The following DXO variants were observed in gnomAD, a reference collection of about 807,000 sequenced individuals.
The protein encoded by DXO is decapping exoribonuclease.
Under a neutral mutation model 39.8 loss-of-function variants are expected in DXO, and 42 were observed. The ratio of observed to expected loss-of-function variants is 1.06; its 90% CI spans 0.83 to 1.37. DXO has a LOEUF of 1.37. DXO is among the 40% of genes most tolerant of loss of function. The pLI is 0.00. For synonymous variants in DXO, 193 were observed against 200.4 expected (o/e 0.96, Z 0.31); for missense variants, 495 against 513.0 (o/e 0.96, Z 0.34).
chr6:31,971,248 C>T lies in DXO; in HGVS notation c.356+72G>A, dbSNP rs1048331374. 16 of 1,542,168 alleles carry T rather than the reference C, an allele frequency of 1.0e-5. No individual in the cohort carries two copies. The highest frequency in any genetic ancestry group is 1.2e-5 in the South Asian group (1 of 80,808). On this transcript the variant is annotated intron_variant, in intron 2 of 6. Transcript: ENST00000337523. The surrounding 1 kb of genome is among the most constrained non-coding windows in gnomAD (Gnocchi z 4.5). Reference sequence around the variant, plus strand: ...TTCTTCTAAGGACTGATTCTCACCCCGGCTTTGGCTCTCCTAATTTTAGAG... The same window carrying T: ...TTCTTCTAAGGACTGATTCTCACCCTGGCTTTGGCTCTCCTAATTTTAGAG...
In DXO at chr6:31,971,696, G is replaced by C. The variant is rs778650301; in HGVS notation, c.-6-15C>G. ...TCCATGAGGTCCTAAGACAAGCAGG[G>C]GTACAGAGTTTCCATTCTACAGAGG... On this transcript the variant is annotated splice_polypyrimidine_tract_variant and intron_variant, in intron 1 of 6. Coordinates refer to ENST00000337523, the MANE Select transcript of DXO (RefSeq NM_005510.4). This position sits in a 1 kb window ranked among gnomAD's most constrained non-coding sequence, Gnocchi z 4.5. 2.5e-6 allele frequency: 4 copies of C among 1,586,496 alleles called. No individual in the cohort carries two copies. Among genetic ancestry groups the C allele is most frequent in the African/African-American group, 1.3e-5 (1 of 74,364 alleles).
At position 31,971,225 on chromosome 6, in the gene DXO, C is replaced by A; in HGVS notation, c.357-78G>T. The A allele has an allele frequency of 1.3e-6, 2 of 1,561,916 alleles. No individual in the cohort carries two copies. Among genetic ancestry groups the A allele is most frequent in the Non-Finnish European group, 1.7e-6 (2 of 1,152,340 alleles). On this transcript the variant is annotated intron_variant, in intron 2 of 6. Coordinates refer to ENST00000337523, the MANE Select transcript of DXO (RefSeq NM_005510.4). The surrounding 1 kb of genome is among the most constrained non-coding windows in gnomAD (Gnocchi z 4.5). The stretch of plus-strand genomic sequence containing the variant: ...CTCCCCTCGAAGAATAGTCTTGTTT[C>A]TTCTAAGGACTGATTCTCACCCCGG...
Position 31,971,476 on chromosome 6 carries a change from A to G in DXO, c.200T>C (p.Leu67Pro), listed in dbSNP as rs778458569. Residue 67 changes from leucine to proline, a missense_variant, in exon 2 of 7, where the codon CTG becomes CCG. Leu to Pro is a moderately conservative substitution (Grantham distance 98). Transcript: ENST00000337523. This position sits in a 1 kb window ranked among gnomAD's most constrained non-coding sequence, Gnocchi z 4.5. ...QRQYHGDARA[L>P]RYYSPPPTNG... is the part of the protein sequence containing the mutation. ...AGTGGGGGGTGGGCTATAGTAGCGC[A>G]GGGCTCGGGCATCTCCATGGTACTG... 11 of 1,613,964 alleles carry G rather than the reference A, an allele frequency of 6.8e-6. No individual in the cohort carries two copies. In the African/African-American group the frequency reaches 1.5e-4, roughly 22 times the overall value.
rs202178198 is a variant in DXO, at chr6:31,971,296, T to C, written c.356+24A>G. On this transcript the variant is annotated intron_variant, in intron 2 of 6. Coordinates refer to ENST00000337523, the MANE Select transcript of DXO (RefSeq NM_005510.4). The surrounding 1 kb of genome is among the most constrained non-coding windows in gnomAD (Gnocchi z 4.5). ...GAGGGTAGGTACGGGTCTCCAGATA[T>C]ACTGCCTACCACGCTTTGCTCACCC... 6.5e-6 allele frequency: 10 copies of C among 1,537,382 alleles called. No homozygotes were observed. The highest frequency in any genetic ancestry group is 6.1e-6 in the Non-Finnish European group (7 of 1,141,416).
rs755964041 is a variant in DXO, at chr6:31,971,457, G to A, written c.219C>T (p.Pro73=). 6 of 1,613,824 alleles carry A rather than the reference G, an allele frequency of 3.7e-6. No homozygotes were observed. The highest frequency in any genetic ancestry group is 5.1e-6 in the Non-Finnish European group (6 of 1,179,864). ...DARALRYYSP[P]PTNGPGPNFD... ...AGTTGGGGCCTGGACCGTTAGTGGG[G>A]GGTGGGCTATAGTAGCGCAGGGCTC... Residue 73 remains proline, a synonymous_variant, in exon 2 of 7, where the codon CCC becomes CCT. Coordinates refer to ENST00000337523, the MANE Select transcript of DXO (RefSeq NM_005510.4). This position sits in a 1 kb window ranked among gnomAD's most constrained non-coding sequence, Gnocchi z 4.5.
In DXO at chr6:31,971,295, A is replaced by G. The variant is rs1773293384; in HGVS notation, c.356+25T>C. ...AGAGGGTAGGTACGGGTCTCCAGATATACTGCCTACCACGCTTTGCTCACC... is the reference window on the plus strand; with the variant it reads ...AGAGGGTAGGTACGGGTCTCCAGATGTACTGCCTACCACGCTTTGCTCACC... On this transcript the variant is annotated intron_variant, in intron 2 of 6. Coordinates refer to ENST00000337523, the MANE Select transcript of DXO (RefSeq NM_005510.4). This position sits in a 1 kb window ranked among gnomAD's most constrained non-coding sequence, Gnocchi z 4.5. The G allele has an allele frequency of 2.0e-6, 3 of 1,536,836 alleles. No individual in the cohort carries two copies. Among genetic ancestry groups the G allele is most frequent in the Admixed American group, 2.0e-5 (1 of 50,216 alleles).
Position 31,971,422 on chromosome 6 carries a change from C to CT in DXO, c.253dup (p.Arg85LysfsTer60). 1 of 1,609,628 alleles carries CT rather than the reference C, an allele frequency of 6.2e-7. No individual in the cohort carries two copies. Among genetic ancestry groups the CT allele is most frequent in the Non-Finnish European group, 8.5e-7 (1 of 1,176,568 alleles). ...CTGGTATCGATCCGGGTATCCGTCT[C>CT]TGAGGTCAAAGTTGGGGCCTGGACC... On this transcript the variant is annotated frameshift_variant, in exon 2 of 7. Transcript: ENST00000337523. LOFTEE classifies it high-confidence loss of function. This position sits in a 1 kb window ranked among gnomAD's most constrained non-coding sequence, Gnocchi z 4.5.
rs1227283950 is a variant in DXO, at chr6:31,971,637, T to A, written c.39A>T (p.Thr13=). The A allele has an allele frequency of 6.2e-7, 1 of 1,610,990 alleles. No homozygotes were observed. Among genetic ancestry groups the A allele is most frequent in the South Asian group, 1.1e-5 (1 of 91,078 alleles). ...PRGTKRGAEK[T]EVAEPRNKLP... is the part of the protein sequence containing the mutation. ...GTTTGTTCCGAGGCTCAGCTACCTC[T>A]GTCTTCTCAGCTCCTCTCTTGGTCC... Residue 13 remains threonine (T), a synonymous_variant, in exon 2 of 7, where the codon ACA becomes ACT. Transcript: ENST00000337523. This position sits in a 1 kb window ranked among gnomAD's most constrained non-coding sequence, Gnocchi z 4.5.
Position 31,971,333 on chromosome 6 carries a change from C to A in DXO, c.343G>T (p.Gly115Cys). 1 of 1,542,906 alleles carries A rather than the reference C, an allele frequency of 6.5e-7. No homozygotes were observed. The highest frequency in any genetic ancestry group is 8.7e-7 in the Non-Finnish European group (1 of 1,143,402). Residue 115 changes from glycine (G) to cysteine (C), a missense_variant, in exon 2 of 7, where the codon GGC (glycine) becomes TGC (cysteine). Transcript: ENST00000337523. The surrounding 1 kb of genome is among the most constrained non-coding windows in gnomAD (Gnocchi z 4.5). ...HLLCWLLEHRGRLEGGPGWLA... is the reference protein window; with the variant it reads ...HLLCWLLEHRCRLEGGPGWLA... ...CGCTTTGCTCACCCCTCCAACCGGC[C>A]TCGGTGTTCCAGGAGCCAGCACAGC... is the stretch of plus-strand genomic sequence containing the variant.
chr6:31,972,090 A>G lies in DXO; in HGVS notation c.-168T>C. The stretch of plus-strand genomic sequence containing the variant: ...GGGCGGGGGAGGTGTGAGCTTCACG[A>G]AGGAGGTTGACACCAACGTGGCCAC... On this transcript the variant is annotated 5_prime_UTR_variant, in exon 1 of 7. Transcript: ENST00000337523. This position sits in a 1 kb window ranked among gnomAD's most constrained non-coding sequence, Gnocchi z 6.3. 1 of 1,610,420 alleles carries G rather than the reference A, an allele frequency of 6.2e-7. No homozygotes were observed. The highest frequency in any genetic ancestry group is 1.3e-5 in the African/African-American group (1 of 74,888).
Position 31,969,994 on chromosome 6 carries a change from G to A in DXO, c.1074C>T (p.Gly358=), listed in dbSNP as rs576299139. Residue 358 remains glycine (G), a synonymous_variant, in exon 7 of 7, where the codon GGC becomes GGT. Transcript: ENST00000337523. This position sits in a 1 kb window ranked among gnomAD's most constrained non-coding sequence, Gnocchi z 6.1. ...RLVHLFSWEP[G]GPVTVSVHQD... ...GGTGTACAGACACGGTGACTGGGCC[G>A]CCAGGCTCCCAAGAGAAGAGATGAA... is the stretch of plus-strand genomic sequence containing the variant. 53 of 1,614,012 alleles carry A rather than the reference G, an allele frequency of 3.3e-5. No homozygotes were observed. Among genetic ancestry groups the A allele is most frequent in the South Asian group, 2.7e-4 (25 of 91,082 alleles).
chr6:31,972,136 A>C lies in DXO; in HGVS notation c.-214T>G. The C allele has an allele frequency of 6.2e-7, 1 of 1,612,980 alleles. No homozygotes were observed. The highest frequency in any genetic ancestry group is 8.5e-7 in the Non-Finnish European group (1 of 1,179,826). On this transcript the variant is annotated 5_prime_UTR_variant, in exon 1 of 7. Transcript: ENST00000337523. This position sits in a 1 kb window ranked among gnomAD's most constrained non-coding sequence, Gnocchi z 6.3. ...GCCACCGGCGCCCCTCCACGCCGCC[A>C]ACGAGTCCCCGGGCGTGCGTGCCCT...
chr6:31,971,852 A>G lies in DXO; in HGVS notation c.-7+77T>C. 1 of 1,379,114 alleles carries G rather than the reference A, an allele frequency of 7.3e-7. No individual in the cohort carries two copies. Among genetic ancestry groups the G allele is most frequent in the Non-Finnish European group, 9.7e-7 (1 of 1,035,922 alleles). 85.4% of individuals were successfully genotyped at this position (1,379,114 alleles called of 1,614,324 possible). A position where few individuals can be genotyped will look rare whatever the true frequency, so the allele number is the denominator to read the frequency against. ...CATCCTGCCTCTTTCCTTGCCCTTCACCCACCCTCCCTCCAGGTCCTCCAA... is the reference window on the plus strand; with the variant it reads ...CATCCTGCCTCTTTCCTTGCCCTTCGCCCACCCTCCCTCCAGGTCCTCCAA... On this transcript the variant is annotated intron_variant, in intron 1 of 6. Transcript: ENST00000337523. This position sits in a 1 kb window ranked among gnomAD's most constrained non-coding sequence, Gnocchi z 4.5.
rs548465933 is a variant in DXO, at chr6:31,970,196, C to T, written c.956G>A (p.Arg319His). 6.6e-5 allele frequency: 107 copies of T among 1,613,852 alleles called. No individual in the cohort carries two copies. The highest frequency in any genetic ancestry group is 3.3e-4 in the Middle Eastern group (2 of 6,062). Residue 319 changes from arginine to histidine, a missense_variant, in exon 6 of 7, where the codon CGT becomes CAT. By Grantham distance (29) the Arg-to-His change is conservative. Coordinates refer to ENST00000337523, the MANE Select transcript of DXO (RefSeq NM_005510.4). The surrounding 1 kb of genome is among the most constrained non-coding windows in gnomAD (Gnocchi z 4.0). ...MKMFEYVRNDRDGWNPSVCMN... is the reference protein window; with the variant it reads ...MKMFEYVRNDHDGWNPSVCMN... ...GCACACAGAGGGATTCCAGCCGTCA[C>T]GGTCATTCTGGAGCAGGCAGAGGAG...
chr6:31,972,095 G>A lies in DXO; in HGVS notation c.-173C>T, dbSNP rs763903930. 2 of 1,613,138 alleles carry A rather than the reference G, an allele frequency of 1.2e-6. No individual in the cohort carries two copies. Among genetic ancestry groups the A allele is most frequent in the South Asian group, 1.1e-5 (1 of 91,068 alleles). The stretch of plus-strand genomic sequence containing the variant: ...GGGGAGGTGTGAGCTTCACGAAGGA[G>A]GTTGACACCAACGTGGCCACCGGCG... On this transcript the variant is annotated 5_prime_UTR_variant, in exon 1 of 7. Transcript: ENST00000337523. The surrounding 1 kb of genome is among the most constrained non-coding windows in gnomAD (Gnocchi z 6.3).
chr6:31,971,114 C>A lies in DXO; in HGVS notation c.390G>T (p.Thr130=), dbSNP rs758308469. ...GPGWLAEAIV[T]WRGHLTKLLT... is the part of the protein sequence containing the mutation. ...GCAGTTTTGTCAGGTGCCCCCGCCA[C>A]GTCACTATGGCCTCTGCCAGCCAGC... The change falls in exon 3 of 7, where the codon ACG becomes ACT. Residue 130 remains threonine (T), a synonymous_variant. Transcript: ENST00000337523. This position sits in a 1 kb window ranked among gnomAD's most constrained non-coding sequence, Gnocchi z 4.5. 22 of 1,612,878 alleles carry A rather than the reference C, an allele frequency of 1.4e-5. No homozygotes were observed. In the East Asian group the frequency reaches 4.7e-4, roughly 34 times the overall value.
rs1484884137 is a variant in DXO at position 31,970,636 on chromosome 6, T to C, written c.782A>G (p.His261Arg). 1 of 1,613,232 alleles carries C rather than the reference T, an allele frequency of 6.2e-7. No homozygotes were observed. The highest frequency in any genetic ancestry group is 1.7e-5 in the Admixed American group (1 of 60,016). Residue 261 changes from histidine (H) to arginine (R), a missense_variant, in exon 4 of 7, where the codon CAC becomes CGC. Physicochemically the swap from His to Arg is conservative, Grantham distance 29. Transcript: ENST00000337523. The surrounding 1 kb of genome is among the most constrained non-coding windows in gnomAD (Gnocchi z 4.0). ...YVELKTSKEM[H>R]SPGQWRSFYR... ...GAAACTCCTCCATTGGCCAGGGCTGTGCATCTCCTTGGAGGTCTTGAGCTC... is the reference window on the plus strand; with the variant it reads ...GAAACTCCTCCATTGGCCAGGGCTGCGCATCTCCTTGGAGGTCTTGAGCTC...
At position 31,972,006 on chromosome 6, in the gene DXO, T is replaced by C; in HGVS notation, c.-84A>G. The C allele has an allele frequency of 1.2e-6, 2 of 1,603,546 alleles. No individual in the cohort carries two copies. The highest frequency in any genetic ancestry group is 1.7e-6 in the Non-Finnish European group (2 of 1,171,954). ...CGCCAGAGGCCGAAGGATGCAAAAGTGGTTTTCTGCTTTCGATGATGCAAT... is the reference window on the plus strand; with the variant it reads ...CGCCAGAGGCCGAAGGATGCAAAAGCGGTTTTCTGCTTTCGATGATGCAAT... On this transcript the variant is annotated 5_prime_UTR_variant, in exon 1 of 7. Transcript: ENST00000337523. The surrounding 1 kb of genome is among the most constrained non-coding windows in gnomAD (Gnocchi z 6.3).
Position 31,971,237 on chromosome 6 carries a change from G to C in DXO, c.356+83C>G. The C allele has an allele frequency of 6.4e-7, 1 of 1,551,858 alleles. No homozygotes were observed. Among genetic ancestry groups the C allele is most frequent in the Non-Finnish European group, 8.7e-7 (1 of 1,146,622 alleles). On this transcript the variant is annotated intron_variant, in intron 2 of 6. Transcript: ENST00000337523. This position sits in a 1 kb window ranked among gnomAD's most constrained non-coding sequence, Gnocchi z 4.5. ...AATAGTCTTGTTTCTTCTAAGGACTGATTCTCACCCCGGCTTTGGCTCTCC... is the reference window on the plus strand; with the variant it reads ...AATAGTCTTGTTTCTTCTAAGGACTCATTCTCACCCCGGCTTTGGCTCTCC...
Sources: gnomAD v4.1 joint callset for allele counts on GRCh38, gnomAD v4.1.1 for gene constraint, Gnocchi (gnomAD v3.1) non-coding constraint, MANE v1.5 for transcripts, NCBI Gene and HGNC (gene_info 2026-07-23, HGNC 2026-07-21) for gene names.